KCNQ1: variants seen among roughly 807,000 people sequenced by gnomAD.
The protein encoded by KCNQ1 is potassium voltage-gated channel subfamily Q member 1.
Under a neutral mutation model 72.4 loss-of-function variants are expected in KCNQ1, and 49 were observed. That is an observed-to-expected ratio of 0.68 (90% CI 0.54 to 0.86). KCNQ1 has a LOEUF of 0.86. Ranked by LOEUF, KCNQ1 falls within the 40% of genes least tolerant of loss-of-function variation. The probability of loss-of-function intolerance (pLI) is 0.00; values close to 1 mark genes in which losing one functional copy is unlikely to be tolerated. For synonymous variants in KCNQ1, 450 were observed against 412.6 expected (o/e 1.09, Z -1.10); for missense variants, 790 against 945.1 (o/e 0.84, Z 2.15).
At chr11:2,685,365 C>T (rs1438479869) in intron 11 of KCNQ1, 5 of 398,578 alleles carry the variant, frequency 1.3e-5, no homozygotes, top group African/African-American at 2.1e-5. Flanking sequence ...CAGGTACCAT[C>T]TCTGCCTGGT....
chr11:2,605,372 A>G (rs1043032283), intron 10 of KCNQ1, among the ~76,000 whole-genome samples: 8 of 152,192 alleles, frequency 5.3e-5, no homozygotes, highest in African/African-American at 1.7e-4. Context: ...GCCAAATCCA[A>G]GGTCATAAAG....
chr11:2,630,712 CATCCTT>C, intron 10 of KCNQ1: 1 of 398,384 alleles, frequency 2.5e-6, no homozygotes, highest in Non-Finnish European at 4.4e-6. Flanking sequence ...TACTAATTAT[CATCCTT>C]CCATTTAAGC....
chr11:2,721,554 A>G (rs1851203223), intron 11 of KCNQ1, among the ~76,000 whole-genome samples: 1 of 152,218 alleles, frequency 6.6e-6, no homozygotes, highest in Non-Finnish European at 1.5e-5. Context: ...AGGGATTTAC[A>G]TTCCGGCGGT....
chr11:2,840,336 G>A (rs1156262898), intron 15 of KCNQ1: 1 of 152,436 alleles, frequency 6.6e-6, no homozygotes, highest in Non-Finnish European at 1.5e-5. Context: ...GCACCCACAC[G>A]GCTCAAACTT....
At chr11:2,594,464 T>C (rs755971502) in intron 10 of KCNQ1, among the ~76,000 whole-genome samples, 28 of 152,228 alleles carry the variant, frequency 1.8e-4, no homozygotes, top group Non-Finnish European at 1.0e-4. Flanking sequence ...ATGTCTTTCA[T>C]CAACCGTGGA....
In KCNQ1 at chr11:2,803,123, G is replaced by T. The variant is rs1488247328; in HGVS notation, c.1794+25086G>T. Among the ~76,000 whole-genome samples, 1 of 151,144 alleles carries T rather than the reference G, an allele frequency of 6.6e-6. No homozygotes were observed. Among genetic ancestry groups the T allele is most frequent in the African/African-American group, 2.4e-5 (1 of 40,984 alleles). ...AATGGTGAGGGGCAGAGTGAGCAAG[G>T]GGCTCAGGGTAGCCCAGAAAACCCA... On this transcript the variant is annotated intron_variant, in intron 15 of 15. Coordinates refer to ENST00000155840, the MANE Select transcript of KCNQ1 (RefSeq NM_000218.3). This position sits in a 1 kb window ranked among gnomAD's most constrained non-coding sequence, Gnocchi z 6.4.
chr11:2,613,982 T>C lies in KCNQ1; in HGVS notation c.1393+25128T>C, dbSNP rs1270412139. 1 of 398,502 alleles carries C rather than the reference T, an allele frequency of 2.5e-6. No homozygotes were observed. Among genetic ancestry groups the C allele is most frequent in the Non-Finnish European group, 4.4e-6 (1 of 226,078 alleles). 24.7% of individuals were successfully genotyped at this position (398,502 alleles called of 1,614,324 possible). ...CTCCTAGAAATCACTCAACATCCAT[T>C]CACAGAGATCTTTCTCATTGCATTG... On this transcript the variant is annotated intron_variant, in intron 10 of 15. Coordinates refer to ENST00000155840, the MANE Select transcript of KCNQ1 (RefSeq NM_000218.3). This position sits in a 1 kb window ranked among gnomAD's most constrained non-coding sequence, Gnocchi z 4.8.
In KCNQ1 at chr11:2,626,753, T is replaced by G; in HGVS notation, c.1394-35208T>G. The G allele has an allele frequency of 2.5e-6, 1 of 398,496 alleles. No homozygotes were observed. The highest frequency in any genetic ancestry group is 4.4e-5 in the Admixed American group (1 of 22,704). 24.7% of individuals were successfully genotyped at this position (398,496 alleles called of 1,614,324 possible). The stretch of plus-strand genomic sequence containing the variant: ...TGTGTTCCCCAGGCTGGTCTCAAAC[T>G]CCTGGACTCAGAAGTCCTCCCACCT... On this transcript the variant is annotated intron_variant, in intron 10 of 15. Transcript: ENST00000155840. The surrounding 1 kb of genome is among the most constrained non-coding windows in gnomAD (Gnocchi z 4.0).
chr11:2,641,866 C>T (rs904382344), intron 10 of KCNQ1: 3 of 398,264 alleles, frequency 7.5e-6, no homozygotes, highest in East Asian at 3.6e-5. Flanking sequence ...CTTATTTTCC[C>T]AGCTCCATTA....
rs887820110 is a variant in KCNQ1 at position 2,695,136 on chromosome 11, G to A, written c.1514+33055G>A. The A allele has an allele frequency of 1.0e-4, 40 of 398,492 alleles. No homozygotes were observed. Among genetic ancestry groups the A allele is most frequent in the African/African-American group, 3.5e-4 (17 of 48,598 alleles). 24.7% of individuals were successfully genotyped at this position (398,492 alleles called of 1,614,324 possible). On this transcript the variant is annotated intron_variant, in intron 11 of 15. Transcript: ENST00000155840. This position sits in a 1 kb window ranked among gnomAD's most constrained non-coding sequence, Gnocchi z 5.2. Reference sequence around the variant, plus strand: ...GAGAGTCATGGAGGCACATTCATTCGTTGGTTCTTGGCTTTTGGGACTCTG... The same window carrying A: ...GAGAGTCATGGAGGCACATTCATTCATTGGTTCTTGGCTTTTGGGACTCTG...
Position 2,735,698 on chromosome 11 carries a change from G to T in KCNQ1, c.1515-33146G>T, listed in dbSNP as rs760196776. ...CATTCATCCCCTCACAGCCCTGGAG[G>T]CTGGAGTCCAAGGTCAAGGTGCTGC... is the stretch of plus-strand genomic sequence containing the variant. On this transcript the variant is annotated intron_variant, in intron 11 of 15. Transcript: ENST00000155840. The surrounding 1 kb of genome is among the most constrained non-coding windows in gnomAD (Gnocchi z 7.7). Among the ~76,000 whole-genome samples, 19 of 151,968 alleles carry T rather than the reference G, an allele frequency of 1.3e-4. No individual in the cohort carries two copies. The highest frequency in any genetic ancestry group is 1.9e-4 in the Non-Finnish European group (13 of 67,988).
At position 2,676,127 on chromosome 11, in the gene KCNQ1, A is replaced by G. The variant is rs553024494; in HGVS notation, c.1514+14046A>G. On this transcript the variant is annotated intron_variant, in intron 11 of 15. Coordinates refer to ENST00000155840, the MANE Select transcript of KCNQ1 (RefSeq NM_000218.3). The surrounding 1 kb of genome is among the most constrained non-coding windows in gnomAD (Gnocchi z 4.2). ...TACTTAGTAGATACGGCTCCTTTTT[A>G]TACAAATGGTAGCATACTGTATGTA... The G allele has an allele frequency of 5.0e-6, 2 of 398,626 alleles. No individual in the cohort carries two copies. Among genetic ancestry groups the G allele is most frequent in the Non-Finnish European group, 8.8e-6 (2 of 226,080 alleles). The allele number at this position is 398,626 out of a possible 1,614,324, so 24.7% of individuals were successfully genotyped here. A position where few individuals can be genotyped will look rare whatever the true frequency, so the allele number is the denominator to read the frequency against.
intron 6 of KCNQ1, among the ~76,000 whole-genome samples, chr11:2,583,082 G>A (rs1017645149): frequency 5.3e-5 from 8 of 152,186 alleles, no homozygotes; most frequent in East Asian, 3.9e-4. Flanking sequence ...GCACAGCAAC[G>A]TCGGTGGCCC....
In KCNQ1 at chr11:2,808,558, T is replaced by C. The variant is rs560467771; in HGVS notation, c.1794+30521T>C. Among the ~76,000 whole-genome samples, 1 of 152,312 alleles carries C rather than the reference T, an allele frequency of 6.6e-6. No individual in the cohort carries two copies. Among genetic ancestry groups the C allele is most frequent in the South Asian group, 2.1e-4 (1 of 4,816 alleles). On this transcript the variant is annotated intron_variant, in intron 15 of 15. Coordinates refer to ENST00000155840, the MANE Select transcript of KCNQ1 (RefSeq NM_000218.3). The surrounding 1 kb of genome is among the most constrained non-coding windows in gnomAD (Gnocchi z 6.0). ...TATCTCCACAGAGAACTATCATTAA[T>C]TTTTTAAATGGGAGTCCTCAGGTAG...
chr11:2,778,799 G>A (rs984427174), intron 15 of KCNQ1, among the ~76,000 whole-genome samples: 3 of 152,250 alleles, frequency 2.0e-5, no homozygotes, highest in Non-Finnish European at 4.4e-5. Flanking sequence ...CAGTTGGGCA[G>A]GGAGTGCGTC....
In KCNQ1 at chr11:2,495,684, G is replaced by A. The variant is rs973462751; in HGVS notation, c.387-32244G>A. Among the ~76,000 whole-genome samples, 14 of 152,224 alleles carry A rather than the reference G, an allele frequency of 9.2e-5. No homozygotes were observed. Among genetic ancestry groups the A allele is most frequent in the African/African-American group, 3.1e-4 (13 of 41,514 alleles). The stretch of plus-strand genomic sequence containing the variant: ...CTTCATCCTGAGTTCTAATTTGATC[G>A]TACTGTGTTCTGAGAGACTGTTTGT... On this transcript the variant is annotated intron_variant, in intron 1 of 15. Transcript: ENST00000155840. The surrounding 1 kb of genome is among the most constrained non-coding windows in gnomAD (Gnocchi z 4.6).
At chr11:2,535,740 T>C (rs3782063) in intron 2 of KCNQ1, among the ~76,000 whole-genome samples, 91,652 of 152,166 alleles carry the variant, frequency 0.6, 28,832 homozygotes, top group Non-Finnish European at 0.71. Flanking sequence ...CCTGAAGACC[T>C]GGGACCAGGC....
Position 2,785,670 on chromosome 11 carries a change from G to C in KCNQ1, c.1794+7633G>C, listed in dbSNP as rs1041204179. Among the ~76,000 whole-genome samples the C allele has an allele frequency of 6.6e-6, 1 of 151,648 alleles. No individual in the cohort carries two copies. The highest frequency in any genetic ancestry group is 1.5e-5 in the Non-Finnish European group (1 of 67,770). On this transcript the variant is annotated intron_variant, in intron 15 of 15. Transcript: ENST00000155840. The surrounding 1 kb of genome is among the most constrained non-coding windows in gnomAD (Gnocchi z 4.4). Reference sequence around the variant, plus strand: ...TCTAATAGATTTGGATTGAATTCTAGCAGTGTATTTTGTGCTTTCCACTTG... The same window carrying C: ...TCTAATAGATTTGGATTGAATTCTACCAGTGTATTTTGTGCTTTCCACTTG...
intron 1 of KCNQ1, among the ~76,000 whole-genome samples, chr11:2,510,197 T>C (rs568346334): frequency 6.6e-6 from 1 of 152,224 alleles, no homozygotes; most frequent in South Asian, 2.1e-4. Flanking sequence ...GAGCATCACT[T>C]GAGCCCAGGA....
Sources: gnomAD v4.1 joint callset for allele counts (sites outside exome capture counted in the v4.1 genomes callset) on GRCh38, gnomAD v4.1.1 for gene constraint, Gnocchi (gnomAD v3.1) non-coding constraint, MANE v1.5 for transcripts, NCBI Gene and HGNC (gene_info 2026-07-23, HGNC 2026-07-21) for gene names.